Variants in ROBO2 observed in about 807,000 individuals in gnomAD.
ROBO2 encodes roundabout homolog 2.
ROBO2 carries 53 observed loss-of-function variants against 160.8 expected under a neutral mutation model. The observed-to-expected ratio is 0.33, with a 90% CI of 0.26 to 0.41. ROBO2 has a LOEUF of 0.41. Among genes scored for constraint, ROBO2 ranks in the 10% least tolerant of loss-of-function variants. ROBO2 has a pLI of 1.00. For missense variants in ROBO2, 1,577 were observed against 1,722.4 expected, an observed-to-expected ratio of 0.92 and a Z score of 1.49; for synonymous variants, 664 against 611.7, an observed-to-expected ratio of 1.09 and a Z score of -1.26.
intron 2 of ROBO2, among the ~76,000 whole-genome samples, chr3:76,738,391 A>G (rs1218591085): frequency 6.6e-6 from 1 of 152,126 alleles, no homozygotes; most frequent in East Asian, 1.9e-4. Context: ...TTTGGGCCAA[A>G]TAATATTTTG....
chr3:77,365,150 GAAAAAA>G (rs142131118), intron 2 of ROBO2, among the ~76,000 whole-genome samples: 1 of 134,350 alleles, frequency 7.4e-6, no homozygotes, highest in Admixed American at 7.5e-5. Flanking sequence ...TCCATCTCAG[GAAAAAA>G]AAAAAAAAAA....
intron 1 of ROBO2, among the ~76,000 whole-genome samples, chr3:75,914,560 A>C (rs1242541933): frequency 6.6e-6 from 1 of 152,196 alleles, no homozygotes; most frequent in Non-Finnish European, 1.5e-5. Context: ...ATCAAGCTAA[A>C]AATAAAGAGA....
In ROBO2 at chr3:77,460,282, G is replaced by T. The variant is rs182610169; in HGVS notation, c.389-17132G>T. Among the ~76,000 whole-genome samples, 9 of 152,260 alleles carry T rather than the reference G, an allele frequency of 5.9e-5. No homozygotes were observed. In the South Asian group the frequency reaches 1.7e-3, roughly 28 times the overall value. ...AGCGATTCATAGAAGATGATACCAT[G>T]TACAAAGACAGGGAAGATTGCGGAA... On this transcript the variant is annotated intron_variant, in intron 2 of 25. Transcript: ENST00000461745.
chr3:76,755,551 C>G (rs942223055), intron 2 of ROBO2, among the ~76,000 whole-genome samples: 1 of 151,868 alleles, frequency 6.6e-6, no homozygotes, highest in African/African-American at 2.4e-5. Flanking sequence ...GGCAATCCAC[C>G]TGTTCCTGTC....
intron 2 of ROBO2, among the ~76,000 whole-genome samples, chr3:76,315,893 C>T (rs925368422): frequency 1.4e-4 from 22 of 152,106 alleles, no homozygotes; most frequent in Admixed American, 6.6e-4. Flanking sequence ...AAGTGTCGGC[C>T]GGTCTGAGAA....
At chr3:76,979,262 C>T (rs1443369680) in intron 2 of ROBO2, among the ~76,000 whole-genome samples, 1 of 151,898 alleles carries the variant, frequency 6.6e-6, no homozygotes, top group Non-Finnish European at 1.5e-5. Flanking sequence ...GTTTTTTTTA[C>T]TTAGATATAT....
At chr3:76,692,484 T>C (rs7630682) in intron 2 of ROBO2, among the ~76,000 whole-genome samples, 1 of 151,940 alleles carries the variant, frequency 6.6e-6, no homozygotes, top group Non-Finnish European at 1.5e-5. Context: ...CTAAAGAGCA[T>C]GTTTTCTATT....
Position 77,098,412 on chromosome 3 carries a change from A to T in ROBO2, c.388+72A>T, listed in dbSNP as rs957399898. 4 of 1,448,152 alleles carry T rather than the reference A, an allele frequency of 2.8e-6. No homozygotes were observed. In the Admixed American group the frequency reaches 7.1e-5, roughly 26 times the overall value. 89.7% of individuals were successfully genotyped at this position (1,448,152 alleles called of 1,614,324 possible). On this transcript the variant is annotated intron_variant, in intron 2 of 25. Transcript: ENST00000461745. ...TTCAAGTAAGTTTTGATGTGTTCCC[A>T]TAGACGCTGAAACCTAAAGAATCAA...
chr3:76,985,751 A>G (rs950861840), intron 2 of ROBO2, among the ~76,000 whole-genome samples: 13 of 152,154 alleles, frequency 8.5e-5, no homozygotes, highest in Non-Finnish European at 1.8e-4. Context: ...GGTGGGATAT[A>G]ATTCAAGCAA....
At chr3:77,611,071 G>A (rs1232070060) in intron 21 of ROBO2, among the ~76,000 whole-genome samples, 1 of 151,982 alleles carries the variant, frequency 6.6e-6, no homozygotes, top group Admixed American at 6.6e-5. Context: ...GGCCAAGGTG[G>A]GCGGATCACG....
At chr3:77,270,904 T>C (rs1293342039) in intron 2 of ROBO2, among the ~76,000 whole-genome samples, 1 of 151,548 alleles carries the variant, frequency 6.6e-6, no homozygotes, top group African/African-American at 2.4e-5. Flanking sequence ...GTCTGTGCCA[T>C]TGTGCTTCAG....
chr3:76,255,107 G>C (rs553527659), intron 2 of ROBO2, among the ~76,000 whole-genome samples: 56 of 152,184 alleles, frequency 3.7e-4, no homozygotes, highest in Non-Finnish European at 6.3e-4. Context: ...GATCAAATTT[G>C]AGAAAAGTCA....
intron 2 of ROBO2, among the ~76,000 whole-genome samples, chr3:76,886,358 T>A (rs1305952461): frequency 6.6e-6 from 1 of 151,680 alleles, no homozygotes; most frequent in Non-Finnish European, 1.5e-5. Flanking sequence ...TCTATGGAGA[T>A]TTAAGGAATA....
intron 2 of ROBO2, among the ~76,000 whole-genome samples, chr3:76,494,645 C>A (rs1281508738): frequency 6.6e-6 from 1 of 152,114 alleles, no homozygotes; most frequent in East Asian, 1.9e-4. Flanking sequence ...GTTTGAGTGC[C>A]TTTGTACCTG....
At chr3:77,223,975 G>A (rs2086159415) in intron 2 of ROBO2, among the ~76,000 whole-genome samples, 1 of 151,870 alleles carries the variant, frequency 6.6e-6, no homozygotes, top group Non-Finnish European at 1.5e-5. Flanking sequence ...TATTTTAAGG[G>A]AGACAAATGG....
intron 2 of ROBO2, among the ~76,000 whole-genome samples, chr3:76,661,153 T>G (rs1047693970): frequency 3.3e-5 from 5 of 152,168 alleles, no homozygotes; most frequent in Non-Finnish European, 7.3e-5. Context: ...ATCTGTTTGG[T>G]CAGTGTCAAG....
At chr3:76,452,444 A>T (rs935143575) in intron 2 of ROBO2, among the ~76,000 whole-genome samples, 1 of 151,850 alleles carries the variant, frequency 6.6e-6, no homozygotes, top group Non-Finnish European at 1.5e-5. Context: ...TTGTCCTTGC[A>T]ATAGTTTACT....
intron 2 of ROBO2, among the ~76,000 whole-genome samples, chr3:76,637,607 G>A (rs141642220): frequency 3.5e-4 from 53 of 152,056 alleles, no homozygotes; most frequent in African/African-American, 1.2e-3. Flanking sequence ...TTTTTAATTT[G>A]AAATAATAAC....
chr3:76,646,941 TG>T (rs2090998382), intron 2 of ROBO2, among the ~76,000 whole-genome samples: 1 of 152,126 alleles, frequency 6.6e-6, no homozygotes, highest in Admixed American at 6.6e-5. Context: ...CCCCTATGGC[TG>T]GGGGAACAAA....
Sources: gnomAD v4.1 joint callset for allele counts (sites outside exome capture counted in the v4.1 genomes callset) on GRCh38, gnomAD v4.1.1 for gene constraint, MANE v1.5 for transcripts, NCBI Gene and HGNC (gene_info 2026-07-23, HGNC 2026-07-21) for gene names.